TMEM132D: variants seen among roughly 807,000 people sequenced by gnomAD.
TMEM132D encodes the protein mature OL transmembrane protein.
TMEM132D carries 21 observed loss-of-function variants against 62.3 expected under a neutral mutation model. The observed-to-expected ratio is 0.34, with a 90% confidence interval of 0.24 to 0.49. The LOEUF is 0.49. Ranked by LOEUF, TMEM132D falls within the 20% of genes least tolerant of loss-of-function variation. TMEM132D has a pLI of 0.99. For synonymous variants in TMEM132D, 621 were observed against 575.6 expected, an observed-to-expected ratio of 1.08 and a Z score of -1.13; for missense variants, 1,346 against 1,402.8, an observed-to-expected ratio of 0.96 and a Z score of 0.65.
At chr12:129,467,279 C>A (rs186782036) in intron 3 of TMEM132D, among the ~76,000 whole-genome samples, 64 of 152,242 alleles carry the variant, frequency 4.2e-4, no homozygotes, top group Admixed American at 4.1e-3. Context: ...GAAACTTTAT[C>A]ATCAGGACAT....
rs1018431719 is a variant in TMEM132D, at chr12:129,529,538, C to T, written c.1115+1521G>A. 2.0e-5 allele frequency among the ~76,000 whole-genome samples: 3 copies of T among 152,312 alleles called. No individual in the cohort carries two copies. In the South Asian group the frequency reaches 6.2e-4, roughly 32 times the overall value. On this transcript the variant is annotated intron_variant, in intron 3 of 8. Coordinates refer to ENST00000422113, the MANE Select transcript of TMEM132D (RefSeq NM_133448.3). ...CAAATATTTTCTAATGGTTCAACTC[C>T]CTCAGTCTCTCATAGACAAGACTAC... is the stretch of plus-strand genomic sequence containing the variant.
chr12:129,449,441 C>T (rs767987883), intron 3 of TMEM132D, among the ~76,000 whole-genome samples: 23 of 152,236 alleles, frequency 1.5e-4, no homozygotes, highest in African/African-American at 4.1e-4. Flanking sequence ...CCACTAAACC[C>T]GCCAGACTTT....
intron 2 of TMEM132D, among the ~76,000 whole-genome samples, chr12:129,573,719 T>A: frequency 6.6e-6 from 1 of 151,964 alleles, no homozygotes; most frequent in Non-Finnish European, 1.5e-5. Context: ...AGAAAATGCA[T>A]AAACGTTGAT....
At chr12:129,673,171 T>C (rs891096125) in intron 2 of TMEM132D, among the ~76,000 whole-genome samples, 23 of 149,972 alleles carry the variant, frequency 1.5e-4, no homozygotes, top group Admixed American at 1.5e-3. Flanking sequence ...ATTCCTCCTC[T>C]GCTACGCCCT....
At chr12:129,175,908 G>C (rs556321957) in intron 5 of TMEM132D, among the ~76,000 whole-genome samples, 1 of 152,168 alleles carries the variant, frequency 6.6e-6, no homozygotes, top group African/African-American at 2.4e-5. Flanking sequence ...GGTTTAAGAC[G>C]TGAAGTAAAA....
At chr12:129,727,913 T>A (rs1325569044) in intron 1 of TMEM132D, among the ~76,000 whole-genome samples, 1 of 152,176 alleles carries the variant, frequency 6.6e-6, no homozygotes, top group Non-Finnish European at 1.5e-5. Flanking sequence ...TAACCCTGCA[T>A]ACGTTTATAC....
chr12:129,799,209 G>A (rs1871664477), intron 1 of TMEM132D, among the ~76,000 whole-genome samples: 1 of 152,080 alleles, frequency 6.6e-6, no homozygotes, highest in South Asian at 2.1e-4. Flanking sequence ...AGGTTGCAGT[G>A]AGCTGAGATC....
intron 3 of TMEM132D, among the ~76,000 whole-genome samples, chr12:129,409,624 T>G (rs1871904415): frequency 6.6e-6 from 1 of 152,232 alleles, no homozygotes; most frequent in Non-Finnish European, 1.5e-5. Flanking sequence ...TCACCAACAT[T>G]ATGAGATGCT....
rs5801875 is a variant in TMEM132D, at chr12:129,708,684, GAA to G, written c.80-7988_80-7987del. ...TGCACTCATTTAACTAGGAATTCCAGAAAAAAAAAAAAATGAATACTTTGTAG... is the reference window on the plus strand; with the variant it reads ...TGCACTCATTTAACTAGGAATTCCAGAAAAAAAAAAATGAATACTTTGTAG... On this transcript the variant is annotated intron_variant, in intron 1 of 8. Coordinates refer to ENST00000422113, the MANE Select transcript of TMEM132D (RefSeq NM_133448.3). Among the ~76,000 whole-genome samples, 459 of 134,590 alleles carry G rather than the reference GAA, an allele frequency of 3.4e-3. 3 individuals carry two copies. The highest frequency in any genetic ancestry group is 0.012 in the Middle Eastern group (3 of 248). 88.3% of individuals were successfully genotyped at this position (134,590 alleles called of 152,430 possible). A position where few individuals can be genotyped will look rare whatever the true frequency, so the allele number is the denominator to read the frequency against.
intron 3 of TMEM132D, among the ~76,000 whole-genome samples, chr12:129,470,743 A>T (rs1465749330): frequency 2.0e-5 from 3 of 152,228 alleles, no homozygotes; most frequent in Non-Finnish European, 4.4e-5. Flanking sequence ...TAAGAAATTG[A>T]CATTTATGAA....
At chr12:129,089,709 C>T (rs913912308) in intron 5 of TMEM132D, among the ~76,000 whole-genome samples, 4 of 152,196 alleles carry the variant, frequency 2.6e-5, no homozygotes, top group Non-Finnish European at 4.4e-5. Flanking sequence ...GGAGGCTGAA[C>T]GCGCTTCCTG....
intron 1 of TMEM132D, among the ~76,000 whole-genome samples, chr12:129,722,687 G>A (rs1868881509): frequency 6.6e-6 from 1 of 151,698 alleles, no homozygotes; most frequent in African/African-American, 2.4e-5. Flanking sequence ...GAGAACCAGA[G>A]TGATGACCAT....
intron 2 of TMEM132D, among the ~76,000 whole-genome samples, chr12:129,663,240 C>T (rs1430135357): frequency 2.6e-5 from 4 of 152,140 alleles, no homozygotes; most frequent in Admixed American, 6.5e-5. Flanking sequence ...TGGGTTCAAG[C>T]GATTCTCCTT....
At chr12:129,161,529 T>G (rs1437622839) in intron 5 of TMEM132D, among the ~76,000 whole-genome samples, 2 of 152,206 alleles carry the variant, frequency 1.3e-5, no homozygotes, top group Non-Finnish European at 2.9e-5. Context: ...GATTTACTTT[T>G]TGTACCCAAA....
intron 3 of TMEM132D, among the ~76,000 whole-genome samples, chr12:129,404,183 G>T (rs1249180168): frequency 6.6e-6 from 1 of 150,700 alleles, no homozygotes; most frequent in Non-Finnish European, 1.5e-5. Context: ...AAATACCTGA[G>T]ACTGGGTTAT....
intron 3 of TMEM132D, among the ~76,000 whole-genome samples, chr12:129,429,978 ATTG>A (rs1872608616): frequency 6.6e-6 from 1 of 151,666 alleles, no homozygotes; most frequent in Admixed American, 6.6e-5. Flanking sequence ...AATCCAGTCT[ATTG>A]TTGTTGGACA....
intron 2 of TMEM132D, among the ~76,000 whole-genome samples, chr12:129,601,749 T>A (rs1272628421): frequency 6.6e-6 from 1 of 152,150 alleles, no homozygotes; most frequent in East Asian, 1.9e-4. Context: ...AAATCTTACA[T>A]GGGCATGGTT....
intron 5 of TMEM132D, among the ~76,000 whole-genome samples, chr12:129,137,376 T>A (rs1164918593): frequency 6.6e-6 from 1 of 152,140 alleles, no homozygotes; most frequent in Non-Finnish European, 1.5e-5. Flanking sequence ...GCCCTGAAAA[T>A]CTTACACTAC....
chr12:129,077,433 A>G (rs1874298071), intron 8 of TMEM132D, among the ~76,000 whole-genome samples: 2 of 151,984 alleles, frequency 1.3e-5, no homozygotes, highest in South Asian at 4.1e-4. Flanking sequence ...CCAAATTCCT[A>G]TGTTCTAAGA....
Sources: gnomAD v4.1 joint callset for allele counts (sites outside exome capture counted in the v4.1 genomes callset) on GRCh38, gnomAD v4.1.1 for gene constraint, MANE v1.5 for transcripts, NCBI Gene and HGNC (gene_info 2026-07-23, HGNC 2026-07-21) for gene names.